Variants in PCDHA11 observed in about 807,000 individuals in gnomAD.
The protein encoded by PCDHA11 is protocadherin alpha 11, also known as protocadherin alpha-11.
PCDHA11 carries 61 observed loss-of-function variants against 70.3 expected under a neutral mutation model. The ratio of observed to expected loss-of-function variants is 0.87; its 90% confidence interval spans 0.71 to 1.07. The LOEUF is 1.07. Among genes scored for constraint, PCDHA11 ranks in the 50% least tolerant of loss-of-function variants. PCDHA11 has a pLI of 0.00. For synonymous variants in PCDHA11, 633 were observed against 555.1 expected, an observed-to-expected ratio of 1.14 and a Z score of -1.97; for missense variants, 1,324 against 1,237.5, an observed-to-expected ratio of 1.07 and a Z score of -1.05.
intron 1 of PCDHA11, among the ~76,000 whole-genome samples, chr5:140,903,398 T>C (rs1011557575): frequency 1.3e-5 from 2 of 152,204 alleles, no homozygotes; most frequent in Admixed American, 1.3e-4. Context: ...CTAGAAACAG[T>C]AGTGCAGTCA....
chr5:140,885,160 CTTTT>C (rs370486132), intron 1 of PCDHA11, among the ~76,000 whole-genome samples: 314 of 152,080 alleles, frequency 2.1e-3, no homozygotes, highest in African/African-American at 7.4e-3. Context: ...ATTGTCTCTA[CTTTT>C]TTGTCCTCTA....
At chr5:140,932,549 C>T (rs1222820851) in intron 1 of PCDHA11, among the ~76,000 whole-genome samples, 1 of 151,864 alleles carries the variant, frequency 6.6e-6, no homozygotes, top group African/African-American at 2.4e-5. Context: ...ATTTAACATA[C>T]ATTCCACAAG....
At chr5:140,943,237 C>T (rs1364015851) in intron 1 of PCDHA11, among the ~76,000 whole-genome samples, 1 of 121,190 alleles carries the variant, frequency 8.3e-6, no homozygotes, top group African/African-American at 3.3e-5. Flanking sequence ...CAGCCTGGGT[C>T]ACAGAGTGAG....
intron 1 of PCDHA11, among the ~76,000 whole-genome samples, chr5:140,900,021 T>A (rs1423634160): frequency 1.3e-5 from 2 of 152,092 alleles, no homozygotes; most frequent in Non-Finnish European, 2.9e-5. Context: ...TGTTACCCAG[T>A]TTGGCCTTGA....
chr5:140,917,741 C>G (rs2078335946), intron 1 of PCDHA11, among the ~76,000 whole-genome samples: 1 of 152,048 alleles, frequency 6.6e-6, no homozygotes, highest in Non-Finnish European at 1.5e-5. Flanking sequence ...CTAACCTGTC[C>G]CATTGGTCTA....
chr5:140,982,288 T>G, intron 2 of PCDHA11, 187 bp from the exon 3 acceptor site: 1 of 1,088,080 alleles, frequency 9.2e-7, no homozygotes, highest in Admixed American at 2.9e-5. Context: ...AGGCAATAAG[T>G]AAGTCAGCAA....
chr5:140,914,982 T>C (rs1411265179), intron 1 of PCDHA11, among the ~76,000 whole-genome samples: 1 of 149,996 alleles, frequency 6.7e-6, no homozygotes, highest in Non-Finnish European at 1.5e-5. Context: ...AGTCTTGCTC[T>C]GCTACCAGGC....
Position 140,877,923 on chromosome 5 carries a change from T to C in PCDHA11, c.2391+6429T>C, listed in dbSNP as rs1252401405. ...ATAACTACATTCTCTCATTTTTCTTTATGATTCTATCCTTTAAACTATCGA... is the reference window on the plus strand; with the variant it reads ...ATAACTACATTCTCTCATTTTTCTTCATGATTCTATCCTTTAAACTATCGA... On this transcript the variant is annotated intron_variant, in intron 1 of 3. Coordinates refer to ENST00000398640, the MANE Select transcript of PCDHA11 (RefSeq NM_018902.5). 5 of 1,421,040 alleles carry C rather than the reference T, an allele frequency of 3.5e-6. No individual in the cohort carries two copies. The African/African-American group carries it at 5.8e-5, about 16-fold the overall frequency. The allele number at this position is 1,421,040 out of a possible 1,614,324, so 88.0% of individuals were successfully genotyped here. A position where few individuals can be genotyped will look rare whatever the true frequency, so the allele number is the denominator to read the frequency against.
intron 1 of PCDHA11, among the ~76,000 whole-genome samples, chr5:140,952,740 C>T (rs2094790841): frequency 1.3e-5 from 2 of 152,184 alleles, no homozygotes; most frequent in African/African-American, 2.4e-5. Flanking sequence ...TTTTCTCACA[C>T]TGCTATAAAA....
At chr5:141,002,595 C>T (rs2098087240) in intron 3 of PCDHA11, among the ~76,000 whole-genome samples, 2 of 152,192 alleles carry the variant, frequency 1.3e-5, no homozygotes, top group Admixed American at 1.3e-4. Context: ...TTAGTCCCCT[C>T]ATCTATAAAA....
intron 1 of PCDHA11, among the ~76,000 whole-genome samples, chr5:140,918,860 A>G (rs1264660506): frequency 6.6e-6 from 1 of 152,218 alleles, no homozygotes; most frequent in Non-Finnish European, 1.5e-5. Context: ...TGCCTGAATC[A>G]TGAACTTTCA....
At chr5:140,997,993 C>T (rs1356544638) in intron 3 of PCDHA11, among the ~76,000 whole-genome samples, 1 of 152,082 alleles carries the variant, frequency 6.6e-6, no homozygotes, top group Non-Finnish European at 1.5e-5. Flanking sequence ...TACATACTTC[C>T]CTCTGAGCCT....
chr5:141,003,425 C>A (rs1344914063), intron 3 of PCDHA11, among the ~76,000 whole-genome samples: 1 of 152,138 alleles, frequency 6.6e-6, no homozygotes, highest in Non-Finnish European at 1.5e-5. Context: ...GATTCTTATG[C>A]CTCAGCCTCC....
chr5:140,953,443 A>G (rs1434216967), intron 1 of PCDHA11, among the ~76,000 whole-genome samples: 1 of 152,078 alleles, frequency 6.6e-6, no homozygotes, highest in Non-Finnish European at 1.5e-5. Flanking sequence ...TGGAGAAACT[A>G]GGGATTATCT....
chr5:141,009,573 G>T, intron 3 of PCDHA11, 54 bp from the exon 4 acceptor site: 2 of 1,580,662 alleles, frequency 1.3e-6, no homozygotes, highest in South Asian at 1.2e-5. Context: ...CAGCAGTGTG[G>T]CATCAAGAGC....
At chr5:140,881,244 CG>C in intron 1 of PCDHA11, 1 of 397,012 alleles carries the variant, frequency 2.5e-6, no homozygotes, top group Non-Finnish European at 3.4e-6. Flanking sequence ...ATTTAAATGA[CG>C]GCAAGGTTTT....
Position 140,871,315 on chromosome 5 carries a change from CT to C in PCDHA11, c.2213del (p.Leu738ArgfsTer40), listed in dbSNP as rs1352668242. On this transcript the variant is annotated frameshift_variant, in exon 1 of 4. Transcript: ENST00000398640. LOFTEE classifies it high-confidence loss of function. Reference protein sequence around the residue: ...EGACAPGKPTLVCSRAVGSWS... With the variant: ...EGACAPGKPTXVCSRAVGSWS... ...CGCGTGCGCGCCGGGGAAGCCCACGCTGGTGTGCTCCCGCGCGGTGGGGAGC... is the reference window on the plus strand; with the variant it reads ...CGCGTGCGCGCCGGGGAAGCCCACGCGGTGTGCTCCCGCGCGGTGGGGAGC... The C allele has an allele frequency of 8.1e-6, 13 of 1,613,928 alleles. No homozygotes were observed. In the Admixed American group the frequency reaches 2.0e-4, roughly 25 times the overall value.
At chr5:140,875,342 A>T in intron 1 of PCDHA11, 1 of 1,443,152 alleles carries the variant, frequency 6.9e-7, no homozygotes, top group Non-Finnish European at 9.1e-7. Flanking sequence ...GATCGACTCC[A>T]TAATGACTGT....
At chr5:140,903,770 C>T (rs1583503336) in intron 1 of PCDHA11, among the ~76,000 whole-genome samples, 1 of 152,136 alleles carries the variant, frequency 6.6e-6, no homozygotes, top group Non-Finnish European at 1.5e-5. Flanking sequence ...CTGAACTTTT[C>T]TATCCATAAA....
Sources: gnomAD v4.1 joint callset for allele counts (sites outside exome capture counted in the v4.1 genomes callset) on GRCh38, gnomAD v4.1.1 for gene constraint, MANE v1.5 for transcripts, NCBI Gene and HGNC (gene_info 2026-07-23, HGNC 2026-07-21) for gene names.